The following CBLN2 variants were observed in gnomAD, a reference collection of about 807,000 sequenced individuals.
CBLN2 encodes cerebellin-2.
Under a neutral mutation model 15.0 loss-of-function variants are expected in CBLN2, and 7 were observed. The ratio of observed to expected loss-of-function variants is 0.47; its 90% confidence interval spans 0.27 to 0.88. The LOEUF is 0.88. CBLN2 is among the 40% of genes least tolerant of loss of function. The pLI, the probability that CBLN2 is intolerant of heterozygous loss-of-function variation, is 0.14. For synonymous variants in CBLN2, 149 were observed against 135.2 expected, an observed-to-expected ratio of 1.10 and a Z score of -0.71; for missense variants, 242 against 304.5, an observed-to-expected ratio of 0.79 and a Z score of 1.53.
chr18:72,611,195 T>C (rs1156287560), intron 1 of CBLN2, among the ~76,000 whole-genome samples: 2 of 152,228 alleles, frequency 1.3e-5, no homozygotes, highest in Non-Finnish European at 2.9e-5. Context: ...AGTGCTGTGA[T>C]GAACATATGA....
At chr18:72,558,823 T>C (rs890164835) in intron 1 of CBLN2, among the ~76,000 whole-genome samples, 5 of 152,086 alleles carry the variant, frequency 3.3e-5, no homozygotes, top group African/African-American at 9.7e-5. Flanking sequence ...GGAAGGATGA[T>C]GCAGAAGATC....
At chr18:72,618,095 A>T (rs1037509474) in intron 1 of CBLN2, among the ~76,000 whole-genome samples, 2 of 152,158 alleles carry the variant, frequency 1.3e-5, no homozygotes, top group East Asian at 3.8e-4. Context: ...TAGTGCTGTA[A>T]AACTAGATTT....
chr18:72,634,823 C>G (rs2069801502), intron 1 of CBLN2, among the ~76,000 whole-genome samples: 1 of 152,154 alleles, frequency 6.6e-6, no homozygotes, highest in Non-Finnish European at 1.5e-5. Context: ...GATAAACACT[C>G]TTCTTTAACA....
intron 1 of CBLN2, among the ~76,000 whole-genome samples, chr18:72,559,006 G>A (rs556624672): frequency 1.3e-5 from 2 of 152,164 alleles, no homozygotes; most frequent in Non-Finnish European, 2.9e-5. Context: ...AGTAAGCTGT[G>A]ATAGTACCAT....
At chr18:72,564,016 C>T (rs1228132539) in intron 1 of CBLN2, among the ~76,000 whole-genome samples, 1 of 152,142 alleles carries the variant, frequency 6.6e-6, no homozygotes, top group African/African-American at 2.4e-5. Flanking sequence ...ACACACGTTA[C>T]CCAACTGACA....
upstream of CBLN2, chr18:72,544,664 A>G (rs2069145736): frequency 6.6e-6 from 1 of 152,166 alleles, no homozygotes; most frequent in African/African-American, 2.4e-5. Flanking sequence ...AAGAAGAACA[A>G]TAATGACCAG....
intron 1 of CBLN2, among the ~76,000 whole-genome samples, chr18:72,632,675 G>A (rs1241472099): frequency 2.0e-5 from 3 of 152,138 alleles, no homozygotes; most frequent in Non-Finnish European, 2.9e-5. Flanking sequence ...TAACATGATA[G>A]AAATAAACTT....
intron 1 of CBLN2, among the ~76,000 whole-genome samples, chr18:72,586,657 A>G (rs1381253458): frequency 6.6e-6 from 1 of 152,242 alleles, no homozygotes; most frequent in Non-Finnish European, 1.5e-5. Context: ...ATTCATGAAG[A>G]TCATTTGTAC....
At chr18:72,638,098 A>G (rs2069825937) in intron 1 of CBLN2, among the ~76,000 whole-genome samples, 1 of 152,240 alleles carries the variant, frequency 6.6e-6, no homozygotes, top group Middle Eastern at 3.2e-3. Flanking sequence ...TACATGTAAG[A>G]AAATGAAACG....
chr18:72,587,044 G>C (rs2069448439), intron 1 of CBLN2, among the ~76,000 whole-genome samples: 1 of 151,810 alleles, frequency 6.6e-6, no homozygotes. Flanking sequence ...AATCAAAATA[G>C]CGTATCATCA....
chr18:72,561,149 C>T (rs1250429102), intron 1 of CBLN2, among the ~76,000 whole-genome samples: 8 of 147,592 alleles, frequency 5.4e-5, no homozygotes, highest in African/African-American at 1.5e-4. Flanking sequence ...TACACATACA[C>T]ACAAACACAC....
intron 1 of CBLN2, among the ~76,000 whole-genome samples, chr18:72,589,912 C>T (rs2144928872): frequency 6.6e-6 from 1 of 152,258 alleles, no homozygotes; most frequent in South Asian, 2.1e-4. Flanking sequence ...GTGAGCAGAT[C>T]ACTTGAGGTC....
chr18:72,578,302 A>C (rs2069381208), intron 1 of CBLN2, among the ~76,000 whole-genome samples: 1 of 152,230 alleles, frequency 6.6e-6, no homozygotes, highest in South Asian at 2.1e-4. Flanking sequence ...GTCTACCTGG[A>C]AATTACTCCT....
intron 2 of CBLN2, chr18:72,542,918 CA>C (rs2069128755): frequency 7.8e-6 from 1 of 127,700 alleles, no homozygotes; most frequent in Non-Finnish European, 1.7e-5. Flanking sequence ...ACCACACACA[CA>C]CACACACACA....
At position 72,542,173 on chromosome 18, in the gene CBLN2, G is replaced by C. The variant is rs2069119782; in HGVS notation, c.-13C>G. On this transcript the variant is annotated 5_prime_UTR_variant, in exon 3 of 5. Coordinates refer to ENST00000269503, the MANE Select transcript of CBLN2 (RefSeq NM_182511.4). ...CGGGCGCCTGCATCGGGACTGGTGG[G>C]AGGCGGCGCGCGGGGGTGGAGGCCG... The C allele has an allele frequency of 8.2e-7, 1 of 1,218,232 alleles. No homozygotes were observed. Among genetic ancestry groups the C allele is most frequent in the Non-Finnish European group, 1.0e-6 (1 of 981,226 alleles). The allele number at this position is 1,218,232 out of a possible 1,614,324, so 75.5% of individuals were successfully genotyped here.
chr18:72,572,134 C>T (rs2069336252), intron 1 of CBLN2, among the ~76,000 whole-genome samples: 1 of 152,124 alleles, frequency 6.6e-6, no homozygotes, highest in African/African-American at 2.4e-5. Flanking sequence ...GAAATTTCAG[C>T]TGGTCATTCC....
At chr18:72,600,900 G>C (rs2069543712) in intron 1 of CBLN2, among the ~76,000 whole-genome samples, 1 of 152,160 alleles carries the variant, frequency 6.6e-6, no homozygotes, top group African/African-American at 2.4e-5. Flanking sequence ...ATGACCTGTT[G>C]AGTCACAAGT....
At chr18:72,546,971 G>A (rs931777352), upstream of CBLN2, among the ~76,000 whole-genome samples, 6 of 152,024 alleles carry the variant, frequency 3.9e-5, no homozygotes, top group African/African-American at 1.5e-4. Context: ...TTCCACTACT[G>A]AGTATCTACT....
At chr18:72,541,768 C>A (rs746877937) in intron 3 of CBLN2, 36 bp downstream of exon 3, 1 of 1,490,568 alleles carries the variant, frequency 6.7e-7, no homozygotes, top group Admixed American at 2.1e-5. Context: ...CCCCTCTCCC[C>A]GGGCTGGGGG....
Sources: allele counts gnomAD v4.1 joint callset (sites outside exome capture counted in the v4.1 genomes callset), GRCh38; gene constraint gnomAD v4.1.1; transcripts MANE v1.5; gene names NCBI Gene and HGNC (gene_info 2026-07-23, HGNC 2026-07-21).